Variants in RABGAP1L observed in about 807,000 individuals in gnomAD.
RABGAP1L encodes rab GTPase-activating protein 1-like.
A neutral mutation model predicts 137.7 loss-of-function variants in RABGAP1L; 63 were observed. The observed-to-expected ratio is 0.46, with a 90% CI of 0.37 to 0.56. RABGAP1L has a LOEUF of 0.56. Ranked by LOEUF, RABGAP1L falls within the 20% of genes least tolerant of loss-of-function variation. The pLI is 0.00. For synonymous variants in RABGAP1L, 431 were observed against 433.7 expected, an observed-to-expected ratio of 0.99 and a Z score of 0.08; for missense variants, 1,095 against 1,244.0, an observed-to-expected ratio of 0.88 and a Z score of 1.80.
chr1:174,204,124 T>C (rs925767586), intron 1 of RABGAP1L, among the ~76,000 whole-genome samples: 1 of 152,106 alleles, frequency 6.6e-6, no homozygotes, highest in Admixed American at 6.6e-5. Context: ...CTAATTTTTG[T>C]ATTTTTAGTA....
chr1:174,674,430 T>C (rs1357095812), intron 14 of RABGAP1L, among the ~76,000 whole-genome samples: 1 of 150,276 alleles, frequency 6.7e-6, no homozygotes, highest in East Asian at 1.9e-4. Flanking sequence ...TCATTTTTTA[T>C]GGCTGCATAG....
rs1455187131 is a variant in RABGAP1L, at chr1:174,989,895, C to G, written c.3050C>G (p.Ala1017Gly). 2 of 1,550,488 alleles carry G rather than the reference C, an allele frequency of 1.3e-6. No individual in the cohort carries two copies. Residue 1017 changes from alanine (A) to glycine (G), a missense_variant, in exon 26 of 26, where the codon GCG (alanine) becomes GGG (glycine). Physicochemically the swap from Ala to Gly is moderately conservative, Grantham distance 60. Transcript: ENST00000681986. Reference sequence around the variant, plus strand: ...GCCCTTATGAATGAAATCCAAGCTGCGAAAAACTCTTGGTTTAGCAAAACC... The same window carrying G: ...GCCCTTATGAATGAAATCCAAGCTGGGAAAAACTCTTGGTTTAGCAAAACC... ...RGALMNEIQA[A>G]KNSWFSKTLN...
At chr1:174,838,039 A>T (rs1018820740) in intron 19 of RABGAP1L, among the ~76,000 whole-genome samples, 1 of 152,196 alleles carries the variant, frequency 6.6e-6, no homozygotes, top group East Asian at 1.9e-4. Flanking sequence ...AGTAGTAGCT[A>T]TTTGATATAC....
At chr1:174,801,040 A>G (rs565313296) in intron 18 of RABGAP1L, among the ~76,000 whole-genome samples, 15 of 152,274 alleles carry the variant, frequency 9.9e-5, no homozygotes, top group South Asian at 2.1e-4. Context: ...TATCTGTGAA[A>G]CAGCTTAAAG....
chr1:174,294,689 C>T (rs1425699903), intron 10 of RABGAP1L, among the ~76,000 whole-genome samples: 4 of 152,012 alleles, frequency 2.6e-5, no homozygotes, highest in African/African-American at 9.7e-5. Flanking sequence ...TGATGATAGC[C>T]TCAAGAAAGG....
intron 13 of RABGAP1L, among the ~76,000 whole-genome samples, chr1:174,614,003 CTT>C (rs1170366328): frequency 3.9e-5 from 6 of 152,098 alleles, no homozygotes; most frequent in African/African-American, 9.7e-5. Flanking sequence ...GGTCTTGACT[CTT>C]TATCCAATTT....
At chr1:174,314,291 T>A (rs1391688391) in intron 11 of RABGAP1L, among the ~76,000 whole-genome samples, 2 of 152,192 alleles carry the variant, frequency 1.3e-5, no homozygotes, top group African/African-American at 4.8e-5. Flanking sequence ...TCCAATTCAT[T>A]GGCATACAGT....
At chr1:174,168,322 T>TGAAAAATC (rs1397302352) in intron 1 of RABGAP1L, among the ~76,000 whole-genome samples, 58 of 150,922 alleles carry the variant, frequency 3.8e-4, no homozygotes, top group African/African-American at 1.4e-3. Flanking sequence ...AGTGAAAAAT[T>TGAAAAATC]GACCATTGAA....
chr1:174,907,026 C>T (rs1266013102), intron 19 of RABGAP1L, among the ~76,000 whole-genome samples: 1 of 151,506 alleles, frequency 6.6e-6, no homozygotes. Context: ...GCTTATCTTA[C>T]AAGAAATAAA....
intron 19 of RABGAP1L, among the ~76,000 whole-genome samples, chr1:174,895,814 T>A (rs1657060154): frequency 6.6e-6 from 1 of 152,238 alleles, no homozygotes; most frequent in Non-Finnish European, 1.5e-5. Flanking sequence ...GGTATATATG[T>A]GCCACATTTT....
At chr1:174,960,772 T>G (rs1168775886) in intron 20 of RABGAP1L, among the ~76,000 whole-genome samples, 10 of 152,296 alleles carry the variant, frequency 6.6e-5, no homozygotes, top group East Asian at 3.9e-4. Flanking sequence ...TAGAGCTAAT[T>G]AGTGACTATT....
chr1:174,960,218 A>T (rs1400004655), intron 20 of RABGAP1L, among the ~76,000 whole-genome samples: 4 of 152,182 alleles, frequency 2.6e-5, no homozygotes, highest in African/African-American at 4.8e-5. Context: ...ATATAATAAG[A>T]TATTTTAAGA....
intron 11 of RABGAP1L, among the ~76,000 whole-genome samples, chr1:174,336,705 C>T (rs889780162): frequency 1.3e-5 from 2 of 152,056 alleles, no homozygotes; most frequent in South Asian, 4.2e-4. Flanking sequence ...AAATTGCCTA[C>T]CTATATTAGC....
intron 13 of RABGAP1L, among the ~76,000 whole-genome samples, chr1:174,621,186 G>C (rs974238761): frequency 3.3e-5 from 5 of 152,096 alleles, no homozygotes; most frequent in Admixed American, 6.6e-5. Flanking sequence ...ACAAACCACT[G>C]CTCAAGGAAA....
chr1:174,665,818 G>A (rs1247607909), intron 14 of RABGAP1L, among the ~76,000 whole-genome samples: 3 of 152,032 alleles, frequency 2.0e-5, no homozygotes, highest in Non-Finnish European at 4.4e-5. Flanking sequence ...CTCCCAGAGG[G>A]GTGTTACAAT....
At chr1:174,796,741 G>A (rs906826198) in intron 18 of RABGAP1L, among the ~76,000 whole-genome samples, 1 of 152,130 alleles carries the variant, frequency 6.6e-6, no homozygotes, top group South Asian at 2.1e-4. Context: ...GGGCACGGTG[G>A]CTCACACCTG....
intron 10 of RABGAP1L, among the ~76,000 whole-genome samples, chr1:174,281,512 C>A (rs1675547651): frequency 6.6e-6 from 1 of 152,180 alleles, no homozygotes; most frequent in African/African-American, 2.4e-5. Flanking sequence ...TTCTCCAAGT[C>A]CCACCCGACC....
intron 13 of RABGAP1L, among the ~76,000 whole-genome samples, chr1:174,567,363 T>A (rs1387758448): frequency 6.6e-6 from 1 of 152,220 alleles, no homozygotes; most frequent in African/African-American, 2.4e-5. Context: ...AATTTCTTTT[T>A]ATGACTGAAT....
intron 14 of RABGAP1L, among the ~76,000 whole-genome samples, chr1:174,676,762 T>TCC (rs1677658862): frequency 1.3e-5 from 2 of 152,214 alleles, no homozygotes. Flanking sequence ...TGAACTGGTG[T>TCC]AATAGATTAA....
Sources: allele counts gnomAD v4.1 joint callset (sites outside exome capture counted in the v4.1 genomes callset), GRCh38; gene constraint gnomAD v4.1.1; transcripts MANE v1.5; gene names NCBI Gene and HGNC (gene_info 2026-07-23, HGNC 2026-07-21).